ELMOD3: variants seen among roughly 807,000 people sequenced by gnomAD.
The protein encoded by ELMOD3 is ELMO domain containing 3.
Under a neutral mutation model 47.4 loss-of-function variants are expected in ELMOD3, and 36 were observed. The observed-to-expected ratio is 0.76, with a 90% CI of 0.58 to 1.00. The LOEUF is 1.00. ELMOD3 is among the 50% of genes least tolerant of loss of function. The pLI, the probability that ELMOD3 is intolerant of heterozygous loss-of-function variation, is 0.00. For synonymous variants in ELMOD3, 149 were observed against 183.5 expected (o/e 0.81, Z 1.52); for missense variants, 404 against 463.8 (o/e 0.87, Z 1.18).
Position 85,371,491 on chromosome 2 carries a change from A to T in ELMOD3, c.536A>T (p.Tyr179Phe). The change falls in exon 10 of 14, where the codon TAT becomes TTT. Residue 179 changes from tyrosine (Y) to phenylalanine (F), a missense_variant. Transcript: ENST00000409013. The part of the protein sequence containing the change: ...PVHGRVLQTI[Y>F]KKLTGSKFDC... ...CATGGCCGAGTCCTCCAGACCATCT[A>T]TAAGAAGCTGACCGGCTCCAAGTTT... 1 of 1,614,224 alleles carries T rather than the reference A, an allele frequency of 6.2e-7. No homozygotes were observed. Among genetic ancestry groups the T allele is most frequent in the Non-Finnish European group, 8.5e-7 (1 of 1,180,034 alleles).
chr2:85,387,188 G>A, intron 11 of ELMOD3: 1 of 1,245,852 alleles, frequency 8.0e-7, no homozygotes, highest in Non-Finnish European at 1.0e-6. Context: ...TATACATGAA[G>A]GTCAGCATCA....
Position 85,377,414 on chromosome 2 carries a change from G to A in ELMOD3, c.678G>A (p.Met226Ile), listed in dbSNP as rs200232950. 3.5e-5 allele frequency: 56 copies of A among 1,611,648 alleles called. No individual in the cohort carries two copies. In the East Asian group the frequency reaches 1.2e-3, roughly 35 times the overall value. The change falls in exon 11 of 14, where the codon ATG (methionine) becomes ATA (isoleucine). Residue 226 changes from methionine to isoleucine, a missense_variant. By Grantham distance (10) the Met-to-Ile change is conservative. Transcript: ENST00000409013. ...TCCTGCATCTGCTCTACCTGGTGAT[G>A]GACTCAAAGACCTTGCCGATGGCGC... ...LALLHLLYLV[M>I]DSKTLPMAQE...
At chr2:85,367,138 G>A (rs1231188453) in intron 6 of ELMOD3, among the ~76,000 whole-genome samples, 1 of 152,128 alleles carries the variant, frequency 6.6e-6, no homozygotes, top group Non-Finnish European at 1.5e-5. Flanking sequence ...CCTATTATGT[G>A]TCAAGCTCTG....
chr2:85,367,275 G>A (rs1684453581), intron 6 of ELMOD3, among the ~76,000 whole-genome samples: 1 of 152,200 alleles, frequency 6.6e-6, no homozygotes. Flanking sequence ...GACCGATGAG[G>A]TCAAAGAAGG....
chr2:85,383,073 C>CAAAAAAAA (rs565248845), intron 11 of ELMOD3, among the ~76,000 whole-genome samples: 1 of 137,124 alleles, frequency 7.3e-6, no homozygotes. Flanking sequence ...AGTAAAACTC[C>CAAAAAAAA]AAAAAAAAAA....
chr2:85,373,413 T>C (rs1305152891), intron 10 of ELMOD3, among the ~76,000 whole-genome samples: 1 of 151,380 alleles, frequency 6.6e-6, no homozygotes, highest in African/African-American at 2.4e-5. Flanking sequence ...CCAGTAATGT[T>C]AAGATTTTTG....
At chr2:85,362,771 A>G (rs1684071505) in intron 5 of ELMOD3, among the ~76,000 whole-genome samples, 1 of 152,144 alleles carries the variant, frequency 6.6e-6, no homozygotes, top group South Asian at 2.1e-4. Context: ...ATACAAAACT[A>G]GCTGGGTGTG....
intron 12 of ELMOD3, 134 bp downstream of exon 12, chr2:85,389,961 C>A: frequency 9.6e-7 from 1 of 1,046,892 alleles, no homozygotes; most frequent in Non-Finnish European, 1.5e-6. Context: ...ATGCACCGGT[C>A]TCCCCAGGAC....
chr2:85,362,130 A>G (rs1253512650), intron 4 of ELMOD3, 56 bp from the exon 5 acceptor site: 12 of 1,074,986 alleles, frequency 1.1e-5, no homozygotes, highest in East Asian at 4.7e-5. Flanking sequence ...CATTTAAACT[A>G]TTATCTTTGG....
intron 10 of ELMOD3, among the ~76,000 whole-genome samples, chr2:85,374,986 C>CT (rs1685070555): frequency 6.6e-6 from 1 of 151,958 alleles, no homozygotes; most frequent in Non-Finnish European, 1.5e-5. Context: ...TGGCATGTGC[C>CT]TATAGTCACA....
chr2:85,356,485 TC>T (rs1309058382), intron 3 of ELMOD3: 1 of 152,242 alleles, frequency 6.6e-6, no homozygotes, highest in African/African-American at 2.4e-5. Flanking sequence ...CAGCTCACAG[TC>T]CCCTGTGTGG....
intron 5 of ELMOD3, 56 bp downstream of exon 5, chr2:85,362,316 G>A (rs1684039503): frequency 9.2e-7 from 1 of 1,081,946 alleles, no homozygotes; most frequent in East Asian, 2.4e-5. Flanking sequence ...GTGTGTTACT[G>A]TGTGGTGCCA....
chr2:85,382,165 T>C (rs1260771460), intron 11 of ELMOD3, among the ~76,000 whole-genome samples: 1 of 125,114 alleles, frequency 8.0e-6, no homozygotes, highest in African/African-American at 3.1e-5. Flanking sequence ...TAGGGCTGGG[T>C]GCAGCGGCTC....
chr2:85,387,789 G>A (rs766258543), intron 11 of ELMOD3, among the ~76,000 whole-genome samples: 2 of 152,018 alleles, frequency 1.3e-5, no homozygotes, highest in Non-Finnish European at 2.9e-5. Flanking sequence ...TGATTCCTGA[G>A]AGACTCAAGG....
At chr2:85,380,601 T>C (rs771514978) in intron 11 of ELMOD3, among the ~76,000 whole-genome samples, 10 of 152,182 alleles carry the variant, frequency 6.6e-5, no homozygotes, top group Non-Finnish European at 1.5e-4. Context: ...TTTTGGCTCA[T>C]GGCAACCTCC....
rs367958335 is a variant in ELMOD3, at chr2:85,377,452, G to T, written c.716G>T (p.Arg239Leu). 6 of 1,608,562 alleles carry T rather than the reference G, an allele frequency of 3.7e-6. No homozygotes were observed. The highest frequency in any genetic ancestry group is 5.1e-6 in the Non-Finnish European group (6 of 1,177,386). The change falls in exon 11 of 14, where the codon CGC becomes CTC. Residue 239 changes from arginine (R) to leucine (L), a missense_variant. Transcript: ENST00000409013. ...TTGCCGATGGCGCAGGAGATTTTCC[G>T]CCTGTCTCGTCACCACATCCAGGTG... ...KTLPMAQEIFRLSRHHIQQFP... is the reference protein window; with the variant it reads ...KTLPMAQEIFLLSRHHIQQFP...
chr2:85,359,089 T>G (rs1486060185), intron 4 of ELMOD3, among the ~76,000 whole-genome samples: 1 of 152,228 alleles, frequency 6.6e-6, no homozygotes, highest in African/African-American at 2.4e-5. Context: ...CTTTTATTTA[T>G]GTAAATCAGC....
At chr2:85,369,987 G>C (rs1003492160) in intron 8 of ELMOD3, among the ~76,000 whole-genome samples, 157 bp downstream of exon 8, 5 of 152,188 alleles carry the variant, frequency 3.3e-5, no homozygotes, top group Admixed American at 3.3e-4. Context: ...TTCATTTGGG[G>C]CCTTGGTAGC....
intron 11 of ELMOD3, among the ~76,000 whole-genome samples, chr2:85,385,733 G>A (rs1268949323): frequency 6.6e-6 from 1 of 152,148 alleles, no homozygotes; most frequent in Non-Finnish European, 1.5e-5. Flanking sequence ...AAATGAGGAG[G>A]CACTGCAGGG....
Sources: allele counts gnomAD v4.1 joint callset (sites outside exome capture counted in the v4.1 genomes callset), GRCh38; gene constraint gnomAD v4.1.1; transcripts MANE v1.5; gene names NCBI Gene and HGNC (gene_info 2026-07-23, HGNC 2026-07-21).